SIL1: variants seen among roughly 807,000 people sequenced by gnomAD.
SIL1 encodes nucleotide exchange factor SIL1.
In SIL1, 40 loss-of-function variants were observed where a neutral mutation model predicts 49.1. The observed-to-expected ratio is 0.81, with a 90% CI of 0.63 to 1.06. SIL1 has a LOEUF of 1.06. SIL1 is among the 50% of genes least tolerant of loss of function. SIL1 has a pLI of 0.00. For missense variants in SIL1, 500 were observed against 572.6 expected (o/e 0.87, Z 1.29); for synonymous variants, 253 against 250.8 (o/e 1.01, Z -0.08).
rs1053838957 is a variant in SIL1 at position 139,069,011 on chromosome 5, A to G, written c.245-17965T>C. Among the ~76,000 whole-genome samples the G allele has an allele frequency of 2.0e-5, 3 of 152,206 alleles. No individual in the cohort carries two copies. In the East Asian group the frequency reaches 5.8e-4, roughly 29 times the overall value. On this transcript the variant is annotated intron_variant, in intron 3 of 9. Transcript: ENST00000394817. ...TATGGTGACTCACACCTGTAATCCC[A>G]GCACTTTGAGAAGCTGAGGCAGCAG...
intron 1 of SIL1, among the ~76,000 whole-genome samples, chr5:139,172,056 G>A (rs889939936): frequency 2.0e-5 from 3 of 152,170 alleles, no homozygotes; most frequent in Non-Finnish European, 4.4e-5. Context: ...AAATTATCAA[G>A]TCTGAGGAAA....
In SIL1 at chr5:139,121,129, T is replaced by G; in HGVS notation, c.150A>C (p.Glu50Asp). Reference sequence around the variant, plus strand: ...CGGCTTTGGTTTCTTTTCTCTCTGTTTCTTTGGTGCTGCTCTTCTCTGGGT... The same window carrying G: ...CGGCTTTGGTTTCTTTTCTCTCTGTGTCTTTGGTGCTGCTCTTCTCTGGGT... ...LTNPEKSSTKETERKETKAEE... is the reference protein window; with the variant it reads ...LTNPEKSSTKDTERKETKAEE... The change falls in exon 3 of 10, where the codon GAA becomes GAC. Residue 50 changes from glutamate (E) to aspartate (D), a missense_variant. Coordinates refer to ENST00000394817, the MANE Select transcript of SIL1 (RefSeq NM_022464.5). 6.2e-7 allele frequency: 1 copy of G among 1,614,194 alleles called. No individual in the cohort carries two copies. The highest frequency in any genetic ancestry group is 8.5e-7 in the Non-Finnish European group (1 of 1,180,034).
At chr5:139,101,042 G>T (rs1328899987) in intron 3 of SIL1, among the ~76,000 whole-genome samples, 2 of 151,914 alleles carry the variant, frequency 1.3e-5, no homozygotes, top group African/African-American at 4.8e-5. Context: ...TGAGCCTGGG[G>T]CGTTCTGGCA....
chr5:139,060,368 G>A (rs1188111618), intron 3 of SIL1, among the ~76,000 whole-genome samples: 5 of 151,864 alleles, frequency 3.3e-5, no homozygotes, highest in African/African-American at 1.2e-4. Flanking sequence ...AATTAAAAGT[G>A]CCCAATATAA....
intron 3 of SIL1, among the ~76,000 whole-genome samples, chr5:139,079,247 G>T (rs944092941): frequency 6.6e-6 from 1 of 152,078 alleles, no homozygotes; most frequent in Admixed American, 6.5e-5. Flanking sequence ...CCCTTTGGGG[G>T]ACTCAAATCT....
intron 1 of SIL1, among the ~76,000 whole-genome samples, chr5:139,158,869 T>C (rs1022661957): frequency 6.6e-6 from 1 of 152,202 alleles, no homozygotes; most frequent in African/African-American, 2.4e-5. Context: ...TTGCTTTAGC[T>C]CTCTTCAAAT....
intron 7 of SIL1, among the ~76,000 whole-genome samples, chr5:138,969,740 T>A (rs180754705): frequency 1.9e-4 from 29 of 152,176 alleles, no homozygotes; most frequent in Admixed American, 1.9e-3. Context: ...GCATAACAGA[T>A]GGATAATTAG....
Position 139,188,851 on chromosome 5 carries a change from G to A in SIL1, c.-11+9418C>T, listed in dbSNP as rs556788442. 1.1e-4 allele frequency among the ~76,000 whole-genome samples: 17 copies of A among 152,302 alleles called. No homozygotes were observed. The East Asian group carries it at 2.7e-3, about 24-fold the overall frequency. On this transcript the variant is annotated intron_variant, in intron 1 of 9. Coordinates refer to ENST00000394817, the MANE Select transcript of SIL1 (RefSeq NM_022464.5). ...AATCCCCTCATCAGACACTGCCCCC[G>A]AAACAAGGCCTGCTGGCTTGAGCAC...
intron 7 of SIL1, among the ~76,000 whole-genome samples, chr5:138,979,809 TAA>T (rs1767477216): frequency 6.6e-6 from 1 of 152,142 alleles, no homozygotes; most frequent in Non-Finnish European, 1.5e-5. Context: ...AGAGGAGCTG[TAA>T]AGAGTGAGAG....
intron 3 of SIL1, among the ~76,000 whole-genome samples, chr5:139,052,184 C>A (rs2150455348): frequency 6.6e-6 from 1 of 151,616 alleles, no homozygotes; most frequent in East Asian, 1.9e-4. Context: ...CCAGTTCTCG[C>A]AATTCTGGGA....
chr5:138,975,928 T>G (rs1767384460), intron 7 of SIL1, among the ~76,000 whole-genome samples: 1 of 152,248 alleles, frequency 6.6e-6, no homozygotes, highest in Non-Finnish European at 1.5e-5. Flanking sequence ...TTACTGTTGT[T>G]TTAACCCACT....
chr5:138,988,948 G>A (rs1233630162), intron 7 of SIL1, among the ~76,000 whole-genome samples: 1 of 152,170 alleles, frequency 6.6e-6, no homozygotes, highest in Non-Finnish European at 1.5e-5. Flanking sequence ...ACAGTAAACT[G>A]CCTTTCATGT....
At chr5:138,991,354 T>G (rs1037647813) in intron 7 of SIL1, among the ~76,000 whole-genome samples, 1 of 152,232 alleles carries the variant, frequency 6.6e-6, no homozygotes. Context: ...TGAAATGCAG[T>G]AGGGGCTGGG....
At chr5:138,980,391 T>TA (rs1767489605) in intron 7 of SIL1, among the ~76,000 whole-genome samples, 1 of 152,064 alleles carries the variant, frequency 6.6e-6, no homozygotes, top group African/African-American at 2.4e-5. Flanking sequence ...GGCTAAGTGC[T>TA]AAAAAAGGTG....
At chr5:139,100,303 A>G (rs1056175688) in intron 3 of SIL1, among the ~76,000 whole-genome samples, 17 of 152,346 alleles carry the variant, frequency 1.1e-4, no homozygotes, top group African/African-American at 4.1e-4. Flanking sequence ...GCCATCCAGT[A>G]GAAGAACATT....
At chr5:139,107,227 G>A (rs1770733514) in intron 3 of SIL1, among the ~76,000 whole-genome samples, 1 of 152,170 alleles carries the variant, frequency 6.6e-6, no homozygotes, top group South Asian at 2.1e-4. Flanking sequence ...CCCTGAGTAA[G>A]AGCCCTCCTT....
chr5:139,049,022 A>G (rs1769231399), intron 4 of SIL1, among the ~76,000 whole-genome samples: 1 of 152,186 alleles, frequency 6.6e-6, no homozygotes, highest in Non-Finnish European at 1.5e-5. Flanking sequence ...CTAAATCTGA[A>G]CAGGCTGTTT....
At chr5:139,097,339 C>G (rs1324315741) in intron 3 of SIL1, among the ~76,000 whole-genome samples, 1 of 151,936 alleles carries the variant, frequency 6.6e-6, no homozygotes, top group African/African-American at 2.4e-5. Flanking sequence ...ATTGTAGAAC[C>G]CCAGGGCCTT....
At chr5:139,089,134 T>C (rs1266154340) in intron 3 of SIL1, among the ~76,000 whole-genome samples, 1 of 152,204 alleles carries the variant, frequency 6.6e-6, no homozygotes, top group East Asian at 1.9e-4. Flanking sequence ...GAGGCAGAAA[T>C]AGTAAATATC....
Sources: gnomAD v4.1 joint callset for allele counts (sites outside exome capture counted in the v4.1 genomes callset) on GRCh38, gnomAD v4.1.1 for gene constraint, MANE v1.5 for transcripts, NCBI Gene and HGNC (gene_info 2026-07-23, HGNC 2026-07-21) for gene names.